Variants in EXOC2 observed in about 807,000 individuals in gnomAD.
EXOC2 encodes the protein SEC5-like 1.
Under a neutral mutation model 131.8 loss-of-function variants are expected in EXOC2, and 70 were observed. The ratio of observed to expected loss-of-function variants is 0.53; its 90% CI spans 0.44 to 0.65. The LOEUF is 0.65. Ranked by LOEUF, EXOC2 falls within the 30% of genes least tolerant of loss-of-function variation. The pLI is 0.00. For missense variants in EXOC2, 923 were observed against 1,108.6 expected (o/e 0.83, Z 2.38); for synonymous variants, 411 against 398.4 (o/e 1.03, Z -0.38).
At position 551,624 on chromosome 6, in the gene EXOC2, G is replaced by A. The variant is rs190196293; in HGVS notation, c.2121+2230C>T. On this transcript the variant is annotated intron_variant, in intron 21 of 27. Coordinates refer to ENST00000230449, the MANE Select transcript of EXOC2 (RefSeq NM_018303.6). ...CCAAGTGCAGGGACACAGCACACCA[G>A]GAGGGAGTGCCTGAGGATTCAGAGT... is the stretch of plus-strand genomic sequence containing the variant. 2.5e-3 allele frequency among the ~76,000 whole-genome samples: 379 copies of A among 152,292 alleles called. 1 individual carries two copies. Among genetic ancestry groups the A allele is most frequent in the African/African-American group, 8.8e-3 (367 of 41,562 alleles).
chr6:553,890 C>G lies in EXOC2; in HGVS notation c.2085G>C (p.Leu695Phe). The G allele has an allele frequency of 6.2e-7, 1 of 1,614,024 alleles. No individual in the cohort carries two copies. Among genetic ancestry groups the G allele is most frequent in the South Asian group, 1.1e-5 (1 of 91,074 alleles). Reference sequence around the variant, plus strand: ...TGAAGTCTTCATGGATACTTCCAAACAAGTCAGGGGAAGAAACATCAACAG... The same window carrying G: ...TGAAGTCTTCATGGATACTTCCAAAGAAGTCAGGGGAAGAAACATCAACAG... ...HLSVDVSSPDLFGSIHEDFSL... is the reference protein window; with the variant it reads ...HLSVDVSSPDFFGSIHEDFSL... The change falls in exon 21 of 28, where the codon TTG becomes TTC. Residue 695 changes from leucine (L) to phenylalanine (F), a missense_variant. Transcript: ENST00000230449.
chr6:517,724 C>T (rs988553312), intron 23 of EXOC2, among the ~76,000 whole-genome samples: 6 of 152,160 alleles, frequency 3.9e-5, no homozygotes, highest in Non-Finnish European at 5.9e-5. Context: ...AAAGCAGAGA[C>T]AACCAAACAT....
intron 11 of EXOC2, among the ~76,000 whole-genome samples, chr6:592,264 C>A (rs139614002): frequency 6.7e-4 from 102 of 152,062 alleles, no homozygotes; most frequent in African/African-American, 2.3e-3. Context: ...GTCCACCAAT[C>A]GCAAAAACAG....
chr6:620,447 G>A (rs1015334174), intron 4 of EXOC2, among the ~76,000 whole-genome samples: 4 of 152,144 alleles, frequency 2.6e-5, no homozygotes, highest in African/African-American at 9.7e-5. Context: ...TACTTTGTTC[G>A]TCTGATTTGC....
chr6:623,785 T>C (rs192650324), intron 4 of EXOC2, among the ~76,000 whole-genome samples: 2,296 of 152,352 alleles, frequency 0.015, 33 homozygotes, highest in Non-Finnish European at 0.021. Context: ...GAAGGTCTGT[T>C]GGAGCACATC....
intron 21 of EXOC2, among the ~76,000 whole-genome samples, chr6:551,263 C>A (rs1384673710): frequency 1.3e-5 from 2 of 152,172 alleles, no homozygotes; most frequent in Non-Finnish European, 2.9e-5. Flanking sequence ...ACACAGGATG[C>A]GAACCAGTGT....
chr6:671,530 T>C (rs1021173119), intron 1 of EXOC2, among the ~76,000 whole-genome samples: 8 of 152,294 alleles, frequency 5.3e-5, no homozygotes, highest in African/African-American at 1.9e-4. Context: ...CTAAAATTCA[T>C]CCTTGAATTT....
rs756882909 is a variant in EXOC2 at position 569,751 on chromosome 6, C to A, written c.1443+2769G>T. The stretch of plus-strand genomic sequence containing the variant: ...CGTAATTAGTAATTATTGCTATAAG[C>A]TTTTAAGTTTATAAACATAGACAGG... On this transcript the variant is annotated intron_variant, in intron 13 of 27. Coordinates refer to ENST00000230449, the MANE Select transcript of EXOC2 (RefSeq NM_018303.6). Among the ~76,000 whole-genome samples, 10 of 152,188 alleles carry A rather than the reference C, an allele frequency of 6.6e-5. No individual in the cohort carries two copies. The South Asian group carries it at 1.2e-3, about 19-fold the overall frequency.
At chr6:599,867 T>C (rs78705790) in intron 7 of EXOC2, among the ~76,000 whole-genome samples, 13,518 of 151,842 alleles carry the variant, frequency 0.089, 1,020 homozygotes, top group African/African-American at 0.21. Context: ...TTTTTTTTTT[T>C]CACCTAAAAG....
chr6:517,818 CAT>C (rs1039000885), intron 23 of EXOC2, among the ~76,000 whole-genome samples: 44 of 152,136 alleles, frequency 2.9e-4, no homozygotes, highest in Non-Finnish European at 5.7e-4. Context: ...TTATAGGAAA[CAT>C]AAGGGACAAA....
At chr6:608,701 A>G (rs1317135159) in intron 7 of EXOC2, among the ~76,000 whole-genome samples, 3 of 152,390 alleles carry the variant, frequency 2.0e-5, no homozygotes, top group Non-Finnish European at 4.4e-5. Context: ...CACATGAAAC[A>G]GACCCTAGAA....
intron 23 of EXOC2, among the ~76,000 whole-genome samples, chr6:508,518 G>A (rs1233584525): frequency 1.3e-5 from 2 of 152,172 alleles, no homozygotes; most frequent in Non-Finnish European, 2.9e-5. Context: ...CTGTTACAGA[G>A]TGTCGTATAG....
intron 1 of EXOC2, among the ~76,000 whole-genome samples, chr6:672,619 G>A (rs1178111938): frequency 6.6e-6 from 1 of 152,164 alleles, no homozygotes; most frequent in African/African-American, 2.4e-5. Flanking sequence ...CTCCCATTTA[G>A]GGGACAGTGG....
Position 576,823 on chromosome 6 carries a change from A to G in EXOC2, c.1252T>C (p.Leu418=), listed in dbSNP as rs919048894. 4 of 1,614,040 alleles carry G rather than the reference A, an allele frequency of 2.5e-6. No homozygotes were observed. Among genetic ancestry groups the G allele is most frequent in the Admixed American group, 3.3e-5 (2 of 59,996 alleles). ...DLDNDTRPSV[L]GHLSQTASLK... ...GACGCTGTCTGACTGAGATGGCCCA[A>G]CACTGAGGGACGTGTATCATTATCA... Residue 418 remains leucine, a synonymous_variant, in exon 12 of 28, where the codon TTG becomes CTG. Coordinates refer to ENST00000230449, the MANE Select transcript of EXOC2 (RefSeq NM_018303.6).
intron 21 of EXOC2, among the ~76,000 whole-genome samples, chr6:553,030 G>GCCTCAGC (rs986848902): frequency 3.3e-5 from 5 of 152,166 alleles, no homozygotes; most frequent in Non-Finnish European, 4.4e-5. Flanking sequence ...CGATTCTCCT[G>GCCTCAGC]CCTCAGCCTC....
chr6:670,627 A>T (rs1763820085), intron 1 of EXOC2, among the ~76,000 whole-genome samples: 2 of 152,214 alleles, frequency 1.3e-5, no homozygotes, highest in African/African-American at 4.8e-5. Context: ...GAAAATCTGT[A>T]ATAATTTTTG....
chr6:580,564 T>G (rs1758833630), intron 11 of EXOC2, among the ~76,000 whole-genome samples: 1 of 152,082 alleles, frequency 6.6e-6, no homozygotes, highest in Admixed American at 6.5e-5. Flanking sequence ...GATGAAAAGG[T>G]TATAACTATG....
At chr6:543,506 T>G (rs1756672152) in intron 22 of EXOC2, among the ~76,000 whole-genome samples, 1 of 152,178 alleles carries the variant, frequency 6.6e-6, no homozygotes, top group South Asian at 2.1e-4. Context: ...GGGCATGGCA[T>G]GGTAACCACA....
At chr6:529,123 C>G (rs796643382) in intron 23 of EXOC2, among the ~76,000 whole-genome samples, 27 of 152,120 alleles carry the variant, frequency 1.8e-4, no homozygotes, top group African/African-American at 6.3e-4. Flanking sequence ...TTTACCCCCC[C>G]CCGCGCCCTG....
Sources: gnomAD v4.1 joint callset for allele counts (sites outside exome capture counted in the v4.1 genomes callset) on GRCh38, gnomAD v4.1.1 for gene constraint, MANE v1.5 for transcripts, NCBI Gene and HGNC (gene_info 2026-07-23, HGNC 2026-07-21) for gene names.